Variants in CLOCK observed in about 807,000 individuals in gnomAD.
The protein encoded by CLOCK is circadian locomoter output cycles protein kaput.
In CLOCK, 43 loss-of-function variants were observed where a neutral mutation model predicts 118.4. The ratio of observed to expected loss-of-function variants is 0.36; its 90% CI spans 0.28 to 0.47. The LOEUF (loss-of-function observed/expected upper bound fraction) is 0.47, where lower values mean the gene tolerates loss of function less well. Ranked by LOEUF, CLOCK falls within the 20% of genes least tolerant of loss-of-function variation. The pLI is 1.00. For missense variants in CLOCK, 846 were observed against 999.9 expected, an observed-to-expected ratio of 0.85 and a Z score of 2.08; for synonymous variants, 326 against 339.2, an observed-to-expected ratio of 0.96 and a Z score of 0.43.
At chr4:55,526,132 G>C (rs1730170753) in intron 1 of CLOCK, among the ~76,000 whole-genome samples, 1 of 152,096 alleles carries the variant, frequency 6.6e-6, no homozygotes, top group South Asian at 2.1e-4. Context: ...CTAATCCCAA[G>C]CATTTCAGAT....
At position 55,526,388 on chromosome 4, in the gene CLOCK, T is replaced by G. The variant is rs17085857; in HGVS notation, c.-289-16323A>C. Among the ~76,000 whole-genome samples the G allele has an allele frequency of 9.7e-3, 1,479 of 152,334 alleles. 28 individuals carry two copies. The highest frequency in any genetic ancestry group is 0.034 in the African/African-American group (1,412 of 41,576). On this transcript the variant is annotated intron_variant, in intron 1 of 22. Transcript: ENST00000513440. Reference sequence around the variant, plus strand: ...TCATATTGTCACCAACTGAATTCACTGATCAATCTTAACATCTTTAACACT... The same window carrying G: ...TCATATTGTCACCAACTGAATTCACGGATCAATCTTAACATCTTTAACACT...
chr4:55,475,996 A>G lies in CLOCK; in HGVS notation c.315T>C (p.Leu105=), dbSNP rs781672341. Residue 105 remains leucine (L), a synonymous_variant, in exon 7 of 23, where the codon CTT becomes CTC. Transcript: ENST00000513440. The part of the protein sequence containing the change: ...EIRQDWKPTF[L]SNEEFTQLML... ...TTAATTGTGTAAACTCTTCATTACT[A>G]AGGAATGTAGGTTTCCAGTCCTGTC... The G allele has an allele frequency of 8.1e-6, 13 of 1,612,466 alleles. No individual in the cohort carries two copies. The highest frequency in any genetic ancestry group is 5.3e-5 in the African/African-American group (4 of 74,896).
chr4:55,488,191 G>C (rs917366604), intron 3 of CLOCK, among the ~76,000 whole-genome samples: 10 of 152,084 alleles, frequency 6.6e-5, no homozygotes, highest in African/African-American at 1.9e-4. Flanking sequence ...TTCTTTTCTT[G>C]ATTCCAGTGA....
Position 55,451,544 on chromosome 4 carries a change from C to T in CLOCK, c.1207-1312G>A, listed in dbSNP as rs376224799. On this transcript the variant is annotated intron_variant, in intron 15 of 22. Transcript: ENST00000513440. ...TCTCAAAAATATCTCAGAAGGACCT[C>T]GTCCCTAAACCCCAGGGGGATCATG... Among the ~76,000 whole-genome samples the T allele has an allele frequency of 2.4e-4, 37 of 152,236 alleles. No homozygotes were observed. In the South Asian group the frequency reaches 6.2e-3, roughly 26 times the overall value.
At chr4:55,473,757 C>T (rs1726302610) in intron 7 of CLOCK, among the ~76,000 whole-genome samples, 2 of 152,054 alleles carry the variant, frequency 1.3e-5, no homozygotes, top group Non-Finnish European at 1.5e-5. Flanking sequence ...CACTTTGTGT[C>T]TCTTGTGTCA....
chr4:55,503,915 T>C (rs1346299269), intron 2 of CLOCK, among the ~76,000 whole-genome samples: 4 of 143,414 alleles, frequency 2.8e-5, no homozygotes, highest in East Asian at 2.1e-4. Flanking sequence ...TTATAAACAA[T>C]CAATTTTTCT....
At chr4:55,537,750 C>A (rs564796211) in intron 1 of CLOCK, among the ~76,000 whole-genome samples, 1 of 152,056 alleles carries the variant, frequency 6.6e-6, no homozygotes, top group African/African-American at 2.4e-5. Context: ...GCCATGATCA[C>A]GATACTGTAC....
intron 2 of CLOCK, among the ~76,000 whole-genome samples, chr4:55,497,202 T>C (rs1441527163): frequency 5.6e-4 from 85 of 152,298 alleles, no homozygotes; most frequent in Non-Finnish European, 1.2e-4. Context: ...TTCCTTGCCT[T>C]TTCAAGCTTT....
chr4:55,544,217 T>C (rs1373217389), intron 1 of CLOCK, among the ~76,000 whole-genome samples: 1 of 151,634 alleles, frequency 6.6e-6, no homozygotes, highest in Non-Finnish European at 1.5e-5. Flanking sequence ...TACCTTTCAC[T>C]GGGGTTCATG....
chr4:55,457,604 C>G (rs1725006766), intron 11 of CLOCK, among the ~76,000 whole-genome samples: 2 of 152,104 alleles, frequency 1.3e-5, no homozygotes, highest in Non-Finnish European at 2.9e-5. Flanking sequence ...AAGAAAGAAA[C>G]AAATTTTATT....
intron 1 of CLOCK, among the ~76,000 whole-genome samples, chr4:55,531,801 C>T (rs562789095): frequency 1.4e-5 from 2 of 144,770 alleles, no homozygotes; most frequent in South Asian, 4.8e-4. Flanking sequence ...CAAACTCATT[C>T]TAAAAAGCCG....
intron 22 of CLOCK, 74 bp downstream of exon 22, chr4:55,438,208 C>T: frequency 6.5e-7 from 1 of 1,529,594 alleles, no homozygotes. Context: ...ACTCACAAAT[C>T]TGTTCACTTA....
chr4:55,498,360 A>T (rs1728218395), intron 2 of CLOCK, among the ~76,000 whole-genome samples: 1 of 152,164 alleles, frequency 6.6e-6, no homozygotes, highest in Non-Finnish European at 1.5e-5. Context: ...ATCATCTGAA[A>T]AGTATTTCAA....
At chr4:55,514,330 T>C (rs1729346922) in intron 1 of CLOCK, among the ~76,000 whole-genome samples, 1 of 152,142 alleles carries the variant, frequency 6.6e-6, no homozygotes, top group South Asian at 2.1e-4. Flanking sequence ...CTTTACTGCA[T>C]TTAGGCTGTT....
At chr4:55,459,460 A>AT (rs1725168835) in intron 9 of CLOCK, among the ~76,000 whole-genome samples, 199 bp from the exon 10 acceptor site, 1 of 152,122 alleles carries the variant, frequency 6.6e-6, no homozygotes, top group Non-Finnish European at 1.5e-5. Flanking sequence ...GAAAAAATAG[A>AT]TTTTCTGGTG....
intron 21 of CLOCK, among the ~76,000 whole-genome samples, chr4:55,440,171 G>A (rs951689311): frequency 1.3e-5 from 2 of 152,002 alleles, no homozygotes; most frequent in African/African-American, 4.8e-5. Flanking sequence ...TAAACTCTAG[G>A]TTTATAGAAG....
At chr4:55,485,024 C>T (rs1211100881) in intron 3 of CLOCK, among the ~76,000 whole-genome samples, 2 of 151,984 alleles carry the variant, frequency 1.3e-5, no homozygotes, top group Admixed American at 6.6e-5. Context: ...AGTGCAGTGG[C>T]ACGATCTCAT....
At chr4:55,477,771 C>T (rs935663658) in intron 6 of CLOCK, among the ~76,000 whole-genome samples, 3 of 151,652 alleles carry the variant, frequency 2.0e-5, no homozygotes, top group Non-Finnish European at 2.9e-5. Context: ...AGCAAGAGAA[C>T]AAGGATAAGA....
intron 2 of CLOCK, among the ~76,000 whole-genome samples, chr4:55,500,801 T>C (rs1050998358): frequency 1.3e-5 from 2 of 152,228 alleles, no homozygotes; most frequent in Admixed American, 6.5e-5. Context: ...GAGTATGCAC[T>C]GTGGTGAGTT....
Sources: allele counts gnomAD v4.1 joint callset (sites outside exome capture counted in the v4.1 genomes callset), GRCh38; gene constraint gnomAD v4.1.1; transcripts MANE v1.5; gene names NCBI Gene and HGNC (gene_info 2026-07-23, HGNC 2026-07-21).